PSD4: variants seen among roughly 807,000 people sequenced by gnomAD.
The protein encoded by PSD4 is PH and SEC7 domain-containing protein 4.
In PSD4, 59 loss-of-function variants were observed where a neutral mutation model predicts 112.5. That is an observed-to-expected ratio of 0.52 (90% CI 0.43 to 0.65). The LOEUF (loss-of-function observed/expected upper bound fraction) is 0.65, where lower values mean the gene tolerates loss of function less well. PSD4 is among the 30% of genes least tolerant of loss of function. The pLI, the probability that PSD4 is intolerant of heterozygous loss-of-function variation, is 0.00. For missense variants in PSD4, 1,267 were observed against 1,352.6 expected (o/e 0.94, Z 0.99); for synonymous variants, 533 against 540.0 (o/e 0.99, Z 0.18).
chr2:113,185,159 A>G (rs1688259317), intron 3 of PSD4, 86 bp downstream of exon 3: 1 of 1,596,216 alleles, frequency 6.3e-7, no homozygotes, highest in African/African-American at 1.3e-5. Flanking sequence ...CCTAGCACCA[A>G]CAATCCTAGG....
At chr2:113,177,528 G>A (rs1688010911) in intron 1 of PSD4, among the ~76,000 whole-genome samples, 1 of 152,222 alleles carries the variant, frequency 6.6e-6, no homozygotes, top group Non-Finnish European at 1.5e-5. Flanking sequence ...GCTTAAGAGA[G>A]CTGTAACCTG....
chr2:113,182,834 G>A lies in PSD4; in HGVS notation c.378G>A (p.Arg126=). The part of the protein sequence containing the change: ...LGSPSAQREH[R]QNTASPGSPV... ...GCCCCTCTGCCCAGAGGGAGCACAGGCAGAACACAGCATCACCAGGGTCAC... is the reference window on the plus strand; with the variant it reads ...GCCCCTCTGCCCAGAGGGAGCACAGACAGAACACAGCATCACCAGGGTCAC... Residue 126 remains arginine (R), a synonymous_variant, in exon 2 of 17, where the codon AGG becomes AGA. Transcript: ENST00000245796. 1 of 1,613,496 alleles carries A rather than the reference G, an allele frequency of 6.2e-7. No individual in the cohort carries two copies.
At position 113,207,210 on chromosome 2, in the gene PSD4, C is replaced by T. The variant is rs1269301162; in HGVS notation, c.*5795C>T. On this transcript the variant is annotated 3_prime_UTR_variant, in exon 17 of 17. Coordinates refer to ENST00000245796, the MANE Select transcript of PSD4 (RefSeq NM_012455.3). ...CCATATCTGAGCCAGTCACTAGAGC[C>T]AGGGGTTTAAGGAGATCAGAGTCCA... is the stretch of plus-strand genomic sequence containing the variant. 6.6e-6 allele frequency: 1 copy of T among 152,142 alleles called. No individual in the cohort carries two copies. Among genetic ancestry groups the T allele is most frequent in the African/African-American group, 2.4e-5 (1 of 41,404 alleles). 9.4% of individuals were successfully genotyped at this position (152,142 alleles called of 1,614,324 possible).
At chr2:113,181,222 T>A (rs1385560299) in intron 1 of PSD4, among the ~76,000 whole-genome samples, 1 of 125,670 alleles carries the variant, frequency 8.0e-6, no homozygotes, top group Non-Finnish European at 1.7e-5. Context: ...AGCGAGACTC[T>A]GTCTCAAAAA....
intron 5 of PSD4, among the ~76,000 whole-genome samples, chr2:113,191,993 G>T (rs945838895): frequency 2.6e-5 from 4 of 151,948 alleles, no homozygotes; most frequent in African/African-American, 9.7e-5. Flanking sequence ...GCTGGGAGGT[G>T]GGGAAGGGAC....
chr2:113,174,330 G>GT (rs1157635835), intron 1 of PSD4, among the ~76,000 whole-genome samples: 1 of 152,114 alleles, frequency 6.6e-6, no homozygotes, highest in Non-Finnish European at 1.5e-5. Flanking sequence ...ACGGACCTCT[G>GT]TTGTTTCCCT....
At position 113,206,233 on chromosome 2, in the gene PSD4, GTGATGAATTCACGGTA is replaced by G. The variant is rs1341205700; in HGVS notation, c.*4821_*4836del. 1 of 152,290 alleles carries G rather than the reference GTGATGAATTCACGGTA, an allele frequency of 6.6e-6. No homozygotes were observed. Among genetic ancestry groups the G allele is most frequent in the Non-Finnish European group, 1.5e-5 (1 of 68,072 alleles). The allele number at this position is 152,290 out of a possible 1,614,324, so 9.4% of individuals were successfully genotyped here. A position where few individuals can be genotyped will look rare whatever the true frequency, so the allele number is the denominator to read the frequency against. On this transcript the variant is annotated 3_prime_UTR_variant, in exon 17 of 17. Transcript: ENST00000245796. ...GCTGACCCTGGCTTCCCTGCTTTCT[GTGATGAATTCACGGTA>G]TGTGTGGGCTTTGCCAACTGTTCCC...
At position 113,204,864 on chromosome 2, in the gene PSD4, G is replaced by A. The variant is rs1041551229; in HGVS notation, c.*3449G>A. The A allele has an allele frequency of 6.6e-6, 1 of 152,374 alleles. No individual in the cohort carries two copies. Among genetic ancestry groups the A allele is most frequent in the East Asian group, 1.9e-4 (1 of 5,194 alleles). The allele number at this position is 152,374 out of a possible 1,614,324, so 9.4% of individuals were successfully genotyped here. ...GAAGGAGCAGGACTGGAGGGTCGGG[G>A]TGAGGGGGGCAGAGGGAAACAGGGC... is the stretch of plus-strand genomic sequence containing the variant. On this transcript the variant is annotated 3_prime_UTR_variant, in exon 17 of 17. Coordinates refer to ENST00000245796, the MANE Select transcript of PSD4 (RefSeq NM_012455.3).
chr2:113,176,437 C>T (rs1227808987), intron 1 of PSD4, among the ~76,000 whole-genome samples: 2 of 152,178 alleles, frequency 1.3e-5, no homozygotes, highest in East Asian at 1.9e-4. Context: ...CCCTCCCCAC[C>T]GTGGTGAAGA....
chr2:113,183,490 C>T lies in PSD4; in HGVS notation c.1034C>T (p.Pro345Leu). Residue 345 changes from proline to leucine, a missense_variant, in exon 2 of 17, where the codon CCT (proline) becomes CTT (leucine). Pro to Leu is a moderately conservative substitution (Grantham distance 98, BLOSUM62 -3). This residue lies in a region of PSD4 where 723 missense variants were observed against 704.0 expected (regional missense o/e 1.03). Coordinates refer to ENST00000245796, the MANE Select transcript of PSD4 (RefSeq NM_012455.3). ...VAAAEGAPAA[P>L]PGHGESEGDR... is the part of the protein sequence containing the mutation. ...GCCGCTGAGGGGGCTCCTGCAGCAC[C>T]TCCTGGTCACGGGGAGAGTGAGGTA... The T allele has an allele frequency of 6.3e-7, 1 of 1,585,306 alleles. No individual in the cohort carries two copies. Among genetic ancestry groups the T allele is most frequent in the Non-Finnish European group, 8.6e-7 (1 of 1,167,364 alleles).
In PSD4 at chr2:113,208,523, T is replaced by C. The variant is rs1335363889; in HGVS notation, c.*7108T>C. On this transcript the variant is annotated 3_prime_UTR_variant, in exon 17 of 17. Transcript: ENST00000245796. ...GAGGTCATCCGTTTGCTTTGAAAGA[T>C]CACACACCAGGATACATACAGAGAT... 6.6e-6 allele frequency: 1 copy of C among 152,232 alleles called. No individual in the cohort carries two copies. The highest frequency in any genetic ancestry group is 1.5e-5 in the Non-Finnish European group (1 of 68,038). 9.4% of individuals were successfully genotyped at this position (152,232 alleles called of 1,614,324 possible).
chr2:113,193,682 T>A (rs1182670119), intron 9 of PSD4, 32 bp downstream of exon 9: 2 of 1,602,148 alleles, frequency 1.2e-6, no homozygotes, highest in Admixed American at 3.3e-5. Context: ...CTGTGGGAAC[T>A]GAGGCTGTAA....
rs747338481 is a variant in PSD4 at position 113,183,380 on chromosome 2, C to T, written c.924C>T (p.Asp308=). 41 of 1,577,738 alleles carry T rather than the reference C, an allele frequency of 2.6e-5. No homozygotes were observed. The highest frequency in any genetic ancestry group is 7.1e-5 in the Admixed American group (4 of 56,136). The stretch of plus-strand genomic sequence containing the variant: ...TGGAAAGTGAGCCAGATTTGGGGGA[C>T]GGCGCTGCTATCAGTGGGCATTGTA... ...WELESEPDLG[D]GAAISGHCTP... The change falls in exon 2 of 17, where the codon GAC becomes GAT. Residue 308 remains aspartate (D), a synonymous_variant. Coordinates refer to ENST00000245796, the MANE Select transcript of PSD4 (RefSeq NM_012455.3).
chr2:113,196,571 C>T, intron 12 of PSD4: 1 of 392,770 alleles, frequency 2.5e-6, no homozygotes, highest in Non-Finnish European at 4.6e-6. Flanking sequence ...AGAGATTAGA[C>T]AAGTGTGTCA....
chr2:113,189,416 G>A (rs1043607430), intron 5 of PSD4, among the ~76,000 whole-genome samples: 14 of 150,988 alleles, frequency 9.3e-5, no homozygotes, highest in Admixed American at 1.3e-4. Flanking sequence ...TTGATTGATC[G>A]GCATGTGGGT....
Position 113,201,349 on chromosome 2 carries a change from G to A in PSD4, c.3105G>A (p.Lys1035=). 7 of 1,614,208 alleles carry A rather than the reference G, an allele frequency of 4.3e-6. No individual in the cohort carries two copies. Among genetic ancestry groups the A allele is most frequent in the Non-Finnish European group, 5.9e-6 (7 of 1,180,038 alleles). ...AGGCTCCCACCACGGCCAAGGTGAA[G>A]CGCAACATCTCAGAGCGCAGAACCT... is the stretch of plus-strand genomic sequence containing the variant. ...QDEAPTTAKV[K]RNISERRTYR... The change falls in exon 17 of 17, where the codon AAG becomes AAA. Residue 1035 remains lysine (K), a synonymous_variant. Coordinates refer to ENST00000245796, the MANE Select transcript of PSD4 (RefSeq NM_012455.3).
chr2:113,194,719 T>C (rs1489573922), intron 10 of PSD4, among the ~76,000 whole-genome samples: 1 of 152,232 alleles, frequency 6.6e-6, no homozygotes, highest in African/African-American at 2.4e-5. Flanking sequence ...TGTATTTGTA[T>C]ATCTAAACAT....
intron 5 of PSD4, among the ~76,000 whole-genome samples, chr2:113,191,860 C>G (rs1688447466): frequency 6.6e-6 from 1 of 152,044 alleles, no homozygotes; most frequent in Non-Finnish European, 1.5e-5. Flanking sequence ...AAGGGAGAGG[C>G]TGAGGACCAC....
chr2:113,177,185 C>A (rs995279311), intron 1 of PSD4, among the ~76,000 whole-genome samples: 9 of 152,192 alleles, frequency 5.9e-5, no homozygotes, highest in African/African-American at 2.2e-4. Context: ...CACTGGACTT[C>A]CTGGAGAGGG....
Sources: allele counts gnomAD v4.1 joint callset (sites outside exome capture counted in the v4.1 genomes callset), GRCh38; gene constraint gnomAD v4.1.1; regional missense constraint gnomAD v4.1.1; transcripts MANE v1.5; gene names NCBI Gene and HGNC (gene_info 2026-07-23, HGNC 2026-07-21).